Variants in ODR4 observed in about 807,000 individuals in gnomAD.
ODR4 encodes odr-4 GPCR localization factor homolog.
Under a neutral mutation model 60.2 loss-of-function variants are expected in ODR4, and 47 were observed. The observed-to-expected ratio is 0.78, with a 90% CI of 0.62 to 1.00. The LOEUF is 1.00. Among genes scored for constraint, ODR4 ranks in the 50% least tolerant of loss-of-function variants. The pLI is 0.00. For missense variants in ODR4, 488 were observed against 530.8 expected, an observed-to-expected ratio of 0.92 and a Z score of 0.79; for synonymous variants, 178 against 175.5, an observed-to-expected ratio of 1.01 and a Z score of -0.11.
chr1:186,389,587 G>C lies in ODR4; in HGVS notation c.438-1G>C, dbSNP rs763141356. 7 of 1,536,480 alleles carry C rather than the reference G, an allele frequency of 4.6e-6. No individual in the cohort carries two copies. Among genetic ancestry groups the C allele is most frequent in the Non-Finnish European group, 6.2e-6 (7 of 1,130,432 alleles). On this transcript the variant is annotated splice_acceptor_variant, in intron 5 of 13. Coordinates refer to ENST00000287859, the MANE Select transcript of ODR4 (RefSeq NM_017847.6). LOFTEE classifies it high-confidence loss of function. Reference sequence around the variant, plus strand: ...GTTATTTCTGTCCTTAATTAGTGAAGAATATTTTGTCGAACTTATGATATC... The same window carrying C: ...GTTATTTCTGTCCTTAATTAGTGAACAATATTTTGTCGAACTTATGATATC...
intron 12 of ODR4, among the ~76,000 whole-genome samples, chr1:186,407,261 C>T (rs1254713555): frequency 6.6e-6 from 1 of 152,052 alleles, no homozygotes; most frequent in South Asian, 2.1e-4. Context: ...TAGCATAGTT[C>T]CATGAAAACT....
intron 8 of ODR4, among the ~76,000 whole-genome samples, chr1:186,392,972 T>C (rs1000116726): frequency 3.3e-5 from 5 of 152,212 alleles, no homozygotes; most frequent in African/African-American, 1.2e-4. Context: ...GCCACTGCAC[T>C]CCAGCCTTTG....
intron 12 of ODR4, among the ~76,000 whole-genome samples, chr1:186,409,822 G>A (rs1271251249): frequency 1.3e-5 from 2 of 152,158 alleles, no homozygotes; most frequent in Non-Finnish European, 2.9e-5. Flanking sequence ...GGGATTACAG[G>A]TGTTAGTCAC....
Position 186,389,522 on chromosome 1 carries a change from A to T in ODR4, c.438-66A>T, listed in dbSNP as rs1211804909. 2.4e-6 allele frequency: 3 copies of T among 1,255,658 alleles called. No homozygotes were observed. In the African/African-American group the frequency reaches 4.6e-5, roughly 19 times the overall value. 77.8% of individuals were successfully genotyped at this position (1,255,658 alleles called of 1,614,324 possible). On this transcript the variant is annotated intron_variant, in intron 5 of 13. Coordinates refer to ENST00000287859, the MANE Select transcript of ODR4 (RefSeq NM_017847.6). ...CGTGCATTTTTTAGTTTATTTTTTG[A>T]TAGTTTATATTCTTTTAGTTACCAA...
intron 10 of ODR4, among the ~76,000 whole-genome samples, 161 bp from the exon 11 acceptor site, chr1:186,398,790 TTAA>T (rs1660798198): frequency 6.6e-6 from 1 of 152,228 alleles, no homozygotes; most frequent in African/African-American, 2.4e-5. Context: ...TATAAATTTG[TTAA>T]TAAGTGTGCT....
At chr1:186,429,416 G>C in the ODR4 span, among the ~76,000 whole-genome samples, 2 of 152,120 alleles carry the variant, frequency 1.3e-5, no homozygotes, top group Admixed American at 1.3e-4. Flanking sequence ...CTTTCTACTT[G>C]TAAAAAATGA....
chr1:186,427,019 T>C, the ODR4 span, among the ~76,000 whole-genome samples: 1 of 152,242 alleles, frequency 6.6e-6, no homozygotes, highest in Non-Finnish European at 1.5e-5. Context: ...CATAATCTTT[T>C]TGACCTTCAG....
At chr1:186,403,484 T>C (rs1319666038) in intron 11 of ODR4, among the ~76,000 whole-genome samples, 1 of 152,084 alleles carries the variant, frequency 6.6e-6, no homozygotes, top group Non-Finnish European at 1.5e-5. Flanking sequence ...TAAGATCTTA[T>C]AGATGCTGTA....
chr1:186,400,280 G>A (rs1422680456), intron 11 of ODR4, among the ~76,000 whole-genome samples: 6 of 144,060 alleles, frequency 4.2e-5, no homozygotes, highest in East Asian at 4.2e-4. Flanking sequence ...ATGAGCCACC[G>A]CGCCCGGCCT....
chr1:186,382,917 T>C (rs2102018131), intron 2 of ODR4, 105 bp from the exon 3 acceptor site: 4 of 1,152,870 alleles, frequency 3.5e-6, no homozygotes, highest in Non-Finnish European at 4.8e-6. Flanking sequence ...TTACAAATAT[T>C]ACTCAGTTTT....
At chr1:186,385,642 C>T (rs1048382220) in intron 3 of ODR4, among the ~76,000 whole-genome samples, 4 of 151,924 alleles carry the variant, frequency 2.6e-5, no homozygotes, top group Non-Finnish European at 5.9e-5. Context: ...CACTACTTTT[C>T]AAGTAGTTTT....
At chr1:186,411,027 AAG>A (rs1661364074) in intron 12 of ODR4, among the ~76,000 whole-genome samples, 2 of 152,124 alleles carry the variant, frequency 1.3e-5, no homozygotes, top group Admixed American at 6.5e-5. Flanking sequence ...AAAAAAAAAA[AAG>A]AGTTAGTAAA....
the ODR4 span, among the ~76,000 whole-genome samples, chr1:186,428,973 G>A: frequency 1.2e-4 from 18 of 152,182 alleles, no homozygotes; most frequent in African/African-American, 4.3e-4. Flanking sequence ...GCTGGGCATG[G>A]TGGCTCATTC....
At chr1:186,413,475 A>G (rs1661445991) in intron 12 of ODR4, among the ~76,000 whole-genome samples, 2 of 152,112 alleles carry the variant, frequency 1.3e-5, no homozygotes, top group African/African-American at 4.8e-5. Flanking sequence ...TGTCAAAATG[A>G]CTCGCTTGAG....
At chr1:186,379,099 G>A (rs1339082330) in intron 1 of ODR4, among the ~76,000 whole-genome samples, 1 of 152,156 alleles carries the variant, frequency 6.6e-6, no homozygotes, top group Non-Finnish European at 1.5e-5. Flanking sequence ...CCAAGACTTA[G>A]CAATAGAGTA....
intron 2 of ODR4, among the ~76,000 whole-genome samples, chr1:186,381,517 C>T (rs1048847426): frequency 6.6e-6 from 1 of 152,028 alleles, no homozygotes; most frequent in Non-Finnish European, 1.5e-5. Context: ...TTAGTAGAGA[C>T]GGGGTTTCAC....
Position 186,415,702 on chromosome 1 carries a change from GA to G in ODR4, c.1187-1835del, listed in dbSNP as rs199840254. Reference sequence around the variant, plus strand: ...TTCATAGGATTCTTCAGTCCTAGGGGAAAAAAACAGAAAACTATTAGCCTGT... The same window carrying G: ...TTCATAGGATTCTTCAGTCCTAGGGGAAAAAACAGAAAACTATTAGCCTGT... On this transcript the variant is annotated intron_variant, in intron 12 of 13. Transcript: ENST00000287859. Among the ~76,000 whole-genome samples, 1,030 of 152,200 alleles carry G rather than the reference GA, an allele frequency of 6.8e-3. 12 individuals carry two copies. The highest frequency in any genetic ancestry group is 0.022 in the African/African-American group (925 of 41,538).
At chr1:186,402,879 G>T (rs1009340322) in intron 11 of ODR4, among the ~76,000 whole-genome samples, 1 of 152,058 alleles carries the variant, frequency 6.6e-6, no homozygotes, top group Non-Finnish European at 1.5e-5. Context: ...ACTATGAATG[G>T]CCCCATTTTC....
intron 5 of ODR4, among the ~76,000 whole-genome samples, 183 bp downstream of exon 5, chr1:186,388,731 T>C (rs1660343297): frequency 6.6e-6 from 1 of 152,200 alleles, no homozygotes; most frequent in Admixed American, 6.5e-5. Context: ...TTGTTAATCA[T>C]GTCCCAAGGT....
Sources: gnomAD v4.1 joint callset for allele counts (sites outside exome capture counted in the v4.1 genomes callset) on GRCh38, gnomAD v4.1.1 for gene constraint, MANE v1.5 for transcripts, NCBI Gene and HGNC (gene_info 2026-07-23, HGNC 2026-07-21) for gene names.